Variants in ITFG1 observed in about 807,000 individuals in gnomAD.
The protein encoded by ITFG1 is T-cell immunomodulatory protein.
Under a neutral mutation model 81.8 loss-of-function variants are expected in ITFG1, and 34 were observed. The ratio of observed to expected loss-of-function variants is 0.42; its 90% CI spans 0.32 to 0.55. The LOEUF (loss-of-function observed/expected upper bound fraction) is 0.55, where lower values mean the gene tolerates loss of function less well. ITFG1 is among the 20% of genes least tolerant of loss of function. The probability of loss-of-function intolerance (pLI) is 0.17; values close to 1 mark genes in which losing one functional copy is unlikely to be tolerated. For synonymous variants in ITFG1, 285 were observed against 270.6 expected (o/e 1.05, Z -0.52); for missense variants, 672 against 755.4 (o/e 0.89, Z 1.29).
At chr16:47,252,350 G>A (rs1437813406) in intron 12 of ITFG1, among the ~76,000 whole-genome samples, 1 of 152,158 alleles carries the variant, frequency 6.6e-6, no homozygotes, top group East Asian at 1.9e-4. Flanking sequence ...TTAAGTATCT[G>A]CTTTTGGAGA....
intron 14 of ITFG1, among the ~76,000 whole-genome samples, chr16:47,181,980 G>A (rs774763455): frequency 4.7e-4 from 72 of 152,162 alleles, no homozygotes; most frequent in African/African-American, 1.7e-3. Flanking sequence ...ATGCTTGAAG[G>A]CAGCAGGCTC....
rs979296373 is a variant in ITFG1, at chr16:47,163,690, G to A, written c.1454-1026C>T. 4.0e-5 allele frequency among the ~76,000 whole-genome samples: 6 copies of A among 151,806 alleles called. 1 individual carries two copies. Among genetic ancestry groups the A allele is most frequent in the African/African-American group, 9.7e-5 (4 of 41,324 alleles). ...GTGTTTAACATCATTAGGAACTATCGAACTGTTTCCAAAGTACCTGCACCA... is the reference window on the plus strand; with the variant it reads ...GTGTTTAACATCATTAGGAACTATCAAACTGTTTCCAAAGTACCTGCACCA... On this transcript the variant is annotated intron_variant, in intron 14 of 17. Coordinates refer to ENST00000320640, the MANE Select transcript of ITFG1 (RefSeq NM_030790.5).
chr16:47,456,692 T>TAA (rs550072378), intron 2 of ITFG1, among the ~76,000 whole-genome samples: 16 of 95,016 alleles, frequency 1.7e-4, no homozygotes, highest in Non-Finnish European at 1.8e-4. Flanking sequence ...ACTCTGTCTC[T>TAA]AAAAAAAAAA....
intron 14 of ITFG1, among the ~76,000 whole-genome samples, chr16:47,167,155 AC>A (rs1238089267): frequency 6.6e-6 from 1 of 152,138 alleles, no homozygotes; most frequent in Non-Finnish European, 1.5e-5. Flanking sequence ...TACTCTAGAT[AC>A]CTCATATAGA....
At chr16:47,316,737 TTA>T (rs1967365268) in intron 8 of ITFG1, among the ~76,000 whole-genome samples, 1 of 152,200 alleles carries the variant, frequency 6.6e-6, no homozygotes, top group Admixed American at 6.5e-5. Flanking sequence ...CAGGAATATT[TTA>T]TGTTTTAATA....
intron 13 of ITFG1, among the ~76,000 whole-genome samples, chr16:47,233,693 T>G (rs544465878): frequency 6.6e-6 from 1 of 152,276 alleles, no homozygotes; most frequent in African/African-American, 2.4e-5. Flanking sequence ...CAGCTCCCTC[T>G]CATCCTCCTA....
intron 13 of ITFG1, among the ~76,000 whole-genome samples, chr16:47,219,232 A>G (rs1023770058): frequency 6.6e-6 from 1 of 152,184 alleles, no homozygotes; most frequent in Non-Finnish European, 1.5e-5. Context: ...TATTTCTAAG[A>G]CCAAATATTC....
intron 5 of ITFG1, chr16:47,449,957 G>C (rs1969368416): frequency 6.6e-6 from 1 of 152,182 alleles, no homozygotes; most frequent in African/African-American, 2.4e-5. Flanking sequence ...TCAGATTAAA[G>C]ATATTCCAAT....
intron 14 of ITFG1, among the ~76,000 whole-genome samples, chr16:47,216,657 A>ATTAT (rs1315320361): frequency 6.6e-6 from 1 of 151,724 alleles, no homozygotes; most frequent in South Asian, 2.1e-4. Flanking sequence ...TTATTATTTT[A>ATTAT]TTATTTATTT....
chr16:47,195,917 G>A (rs1232407762), intron 14 of ITFG1, among the ~76,000 whole-genome samples: 1 of 151,798 alleles, frequency 6.6e-6, no homozygotes, highest in East Asian at 1.9e-4. Context: ...CCCTCTCTGT[G>A]TCCATGTGTT....
intron 14 of ITFG1, among the ~76,000 whole-genome samples, chr16:47,175,639 A>G (rs996905384): frequency 6.6e-6 from 1 of 152,162 alleles, no homozygotes; most frequent in African/African-American, 2.4e-5. Context: ...AGTTGCTCCT[A>G]TTACTCCTTG....
chr16:47,159,042 C>T, intron 16 of ITFG1, 52 bp from the exon 17 acceptor site: 1 of 1,029,994 alleles, frequency 9.7e-7, no homozygotes, highest in Non-Finnish European at 1.4e-6. Flanking sequence ...TTAAAAATAA[C>T]AAAGTTATAT....
chr16:47,236,952 C>T, intron 13 of ITFG1, among the ~76,000 whole-genome samples: 1 of 152,194 alleles, frequency 6.6e-6, no homozygotes, highest in East Asian at 1.9e-4. Flanking sequence ...AACGTTAACA[C>T]TTTCCTGGCG....
At chr16:47,358,118 T>C (rs551226684) in intron 8 of ITFG1, among the ~76,000 whole-genome samples, 2 of 152,196 alleles carry the variant, frequency 1.3e-5, no homozygotes, top group Non-Finnish European at 2.9e-5. Flanking sequence ...TTGCAAATAT[T>C]AGAAGAGGAC....
chr16:47,320,323 T>A (rs1473978970), intron 8 of ITFG1, among the ~76,000 whole-genome samples: 1 of 152,244 alleles, frequency 6.6e-6, no homozygotes. Context: ...AATATTTTGC[T>A]TTATGGCTTC....
intron 14 of ITFG1, among the ~76,000 whole-genome samples, chr16:47,179,639 T>TAA (rs138464322): frequency 7.3e-5 from 11 of 151,484 alleles, no homozygotes; most frequent in African/African-American, 2.2e-4. Context: ...TGTTTTTATT[T>TAA]AAAAAAAAAG....
chr16:47,159,412 C>A (rs1964765287), intron 16 of ITFG1, among the ~76,000 whole-genome samples: 1 of 152,154 alleles, frequency 6.6e-6, no homozygotes, highest in African/African-American at 2.4e-5. Flanking sequence ...CCTTCTGTAT[C>A]ATCTTATTTT....
intron 6 of ITFG1, among the ~76,000 whole-genome samples, chr16:47,416,598 T>C (rs1248304603): frequency 1.3e-5 from 2 of 152,284 alleles, no homozygotes; most frequent in South Asian, 2.1e-4. Flanking sequence ...CATGAATGGT[T>C]TGGTGCCCTC....
At chr16:47,458,722 C>T (rs1969483514) in intron 2 of ITFG1, among the ~76,000 whole-genome samples, 1 of 151,934 alleles carries the variant, frequency 6.6e-6, no homozygotes, top group Admixed American at 6.6e-5. Context: ...ACTTTTTCCC[C>T]ACTGCAAAAT....
Sources: gnomAD v4.1 joint callset for allele counts (sites outside exome capture counted in the v4.1 genomes callset) on GRCh38, gnomAD v4.1.1 for gene constraint, MANE v1.5 for transcripts, NCBI Gene and HGNC (gene_info 2026-07-23, HGNC 2026-07-21) for gene names.